The following KIF26A variants were observed in gnomAD, a reference collection of about 807,000 sequenced individuals.
KIF26A encodes the protein kinesin family member 26A, also known as kinesin-like protein KIF26A.
A neutral mutation model predicts 126.0 loss-of-function variants in KIF26A; 74 were observed. That is an observed-to-expected ratio of 0.59 (90% CI 0.49 to 0.71). The LOEUF is 0.71. Ranked by LOEUF, KIF26A falls within the 30% of genes least tolerant of loss-of-function variation. The pLI, the probability that KIF26A is intolerant of heterozygous loss-of-function variation, is 0.00. For missense variants in KIF26A, 2,984 were observed against 2,763.3 expected (o/e 1.08, Z -1.79); for synonymous variants, 1,445 against 1,232.7 (o/e 1.17, Z -3.61).
intron 4 of KIF26A, among the ~76,000 whole-genome samples, chr14:104,166,336 G>T (rs1489432028): frequency 6.6e-6 from 1 of 152,138 alleles, no homozygotes; most frequent in Non-Finnish European, 1.5e-5. Flanking sequence ...ACTGTGCTGG[G>T]TGCCTTGAGT....
rs200775336 is a variant in KIF26A, at chr14:104,177,142, C to T, written c.4354C>T (p.Arg1452Trp). ...EGLAHSSSKG[R>W]EAPGRPPRAV... is the part of the protein sequence containing the mutation. Reference sequence around the variant, plus strand: ...CCTGGCGCACAGCAGCAGCAAGGGCCGGGAAGCCCCTGGGCGGCCTCCCCG... The same window carrying T: ...CCTGGCGCACAGCAGCAGCAAGGGCTGGGAAGCCCCTGGGCGGCCTCCCCG... Residue 1452 changes from arginine to tryptophan, a missense_variant, in exon 12 of 15, where the codon CGG becomes TGG. Arg to Trp is a moderately radical substitution (Grantham distance 101). Coordinates refer to ENST00000423312, the MANE Select transcript of KIF26A (RefSeq NM_015656.2). The T allele has an allele frequency of 1.0e-5, 16 of 1,597,804 alleles. No individual in the cohort carries two copies. Among genetic ancestry groups the T allele is most frequent in the East Asian group, 4.5e-5 (2 of 44,850 alleles).
At position 104,175,517 on chromosome 14, in the gene KIF26A, G is replaced by T; in HGVS notation, c.2729G>T (p.Gly910Val). ...AGTTCTGGTCCAGACACCCACCAGG[G>T]TACCCCTGAGCCCTGCAAGGCCATT... is the stretch of plus-strand genomic sequence containing the variant. ...RGSSGPDTHQ[G>V]TPEPCKAIVW... Residue 910 changes from glycine to valine, a missense_variant, in exon 12 of 15, where the codon GGT becomes GTT. Transcript: ENST00000423312. 1.3e-6 allele frequency: 2 copies of T among 1,599,114 alleles called. No homozygotes were observed. The highest frequency in any genetic ancestry group is 1.7e-6 in the Non-Finnish European group (2 of 1,178,822).
chr14:104,174,711 G>C (rs1395420154), intron 11 of KIF26A, among the ~76,000 whole-genome samples: 1 of 152,206 alleles, frequency 6.6e-6, no homozygotes, highest in Non-Finnish European at 1.5e-5. Context: ...CTGGCCACTG[G>C]CCTGGGCACA....
chr14:104,167,617 T>A (rs528748337), intron 5 of KIF26A, among the ~76,000 whole-genome samples: 1 of 152,256 alleles, frequency 6.6e-6, no homozygotes, highest in South Asian at 2.1e-4. Context: ...TGTGGCTTGC[T>A]GGTTGTGCCA....
At position 104,174,323 on chromosome 14, in the gene KIF26A, T is replaced by G; in HGVS notation, c.2193+13T>G. On this transcript the variant is annotated intron_variant, in intron 11 of 14. Coordinates refer to ENST00000423312, the MANE Select transcript of KIF26A (RefSeq NM_015656.2). ...GAAGAAGGCCAAGGTGCTCCCCACC[T>G]CCTGCCCGCCCCATCTCGGGGCCGT... 2 of 1,489,548 alleles carry G rather than the reference T, an allele frequency of 1.3e-6. No homozygotes were observed. The highest frequency in any genetic ancestry group is 1.8e-6 in the Non-Finnish European group (2 of 1,110,844). 92.3% of individuals were successfully genotyped at this position (1,489,548 alleles called of 1,614,324 possible).
chr14:104,172,736 T>C (rs2037972264), intron 7 of KIF26A, 68 bp downstream of exon 7: 1 of 1,271,002 alleles, frequency 7.9e-7, no homozygotes, highest in Admixed American at 2.1e-5. Context: ...TCACGGTGGT[T>C]GCTGGCAGCT....
Position 104,177,344 on chromosome 14 carries a change from C to T in KIF26A, c.4556C>T (p.Thr1519Met), listed in dbSNP as rs552359730. 26 of 1,504,500 alleles carry T rather than the reference C, an allele frequency of 1.7e-5. No individual in the cohort carries two copies. Among genetic ancestry groups the T allele is most frequent in the South Asian group, 6.5e-5 (5 of 77,294 alleles). 93.2% of individuals were successfully genotyped at this position (1,504,500 alleles called of 1,614,324 possible). ...CTGGGGCCTTCGGTGAAGCTGTCTA[C>T]GGCCTCTGTGACGGGCAGGAGCCCT... Reference protein sequence around the residue: ...RALGPSVKLSTASVTGRSPGG... With the variant: ...RALGPSVKLSMASVTGRSPGG... Residue 1519 changes from threonine (T) to methionine (M), a missense_variant, in exon 12 of 15, where the codon ACG becomes ATG. Transcript: ENST00000423312.
chr14:104,141,320 C>G (rs891175404), intron 2 of KIF26A, among the ~76,000 whole-genome samples: 3 of 152,218 alleles, frequency 2.0e-5, no homozygotes, highest in African/African-American at 7.2e-5. Context: ...TCTAGGATTT[C>G]CCCAGGGGCC....
intron 4 of KIF26A, among the ~76,000 whole-genome samples, chr14:104,164,318 A>C (rs941488112): frequency 1.3e-5 from 2 of 151,930 alleles, no homozygotes; most frequent in Admixed American, 1.3e-4. Context: ...GCCGGTGGTC[A>C]GCGTTCACCA....
chr14:104,178,596 T>C lies in KIF26A; in HGVS notation c.5157T>C (p.Thr1719=). 2 of 1,537,882 alleles carry C rather than the reference T, an allele frequency of 1.3e-6. No individual in the cohort carries two copies. Among genetic ancestry groups the C allele is most frequent in the Non-Finnish European group, 1.8e-6 (2 of 1,141,816 alleles). ...RLIPAPLPDT[T]ALGRKPSLPG... ...TTCCCGCCCCACTGCCCGACACCACTGCCCTGGGCCGTAAGCCCAGCCTCC... is the reference window on the plus strand; with the variant it reads ...TTCCCGCCCCACTGCCCGACACCACCGCCCTGGGCCGTAAGCCCAGCCTCC... Residue 1719 remains threonine, a synonymous_variant, in exon 13 of 15, where the codon ACT becomes ACC. Coordinates refer to ENST00000423312, the MANE Select transcript of KIF26A (RefSeq NM_015656.2).
intron 2 of KIF26A, among the ~76,000 whole-genome samples, chr14:104,144,768 A>G (rs1336325510): frequency 6.6e-6 from 1 of 152,230 alleles, no homozygotes; most frequent in African/African-American, 2.4e-5. Flanking sequence ...TTTTTAGCTT[A>G]TATTTTGTAG....
chr14:104,154,100 C>T (rs941240851), intron 3 of KIF26A, among the ~76,000 whole-genome samples: 3 of 152,212 alleles, frequency 2.0e-5, no homozygotes, highest in Admixed American at 1.3e-4. Context: ...CGATCATTAG[C>T]GTGGCCCTGG....
chr14:104,166,786 G>T (rs369725656), intron 4 of KIF26A, 73 bp from the exon 5 acceptor site: 3 of 1,368,062 alleles, frequency 2.2e-6, no homozygotes, highest in East Asian at 5.4e-5. Context: ...GGATCGCCTG[G>T]TGACTCGCAG....
rs900958610 is a variant in KIF26A, at chr14:104,143,461, C to T, written c.288+4173C>T. On this transcript the variant is annotated intron_variant, in intron 2 of 14. Coordinates refer to ENST00000423312, the MANE Select transcript of KIF26A (RefSeq NM_015656.2). ...GCCTCTCTGGTTTGACTGGAGGTGA[C>T]TCCTGCCAGCTTTTCGTTCCTCCTG... Among the ~76,000 whole-genome samples the T allele has an allele frequency of 2.0e-5, 3 of 152,126 alleles. No homozygotes were observed. In the East Asian group the frequency reaches 5.8e-4, roughly 29 times the overall value.
Position 104,152,440 on chromosome 14 carries a change from C to T in KIF26A, c.714C>T (p.Ser238=). 6.3e-7 allele frequency: 1 copy of T among 1,584,848 alleles called. No individual in the cohort carries two copies. Among genetic ancestry groups the T allele is most frequent in the South Asian group, 1.2e-5 (1 of 86,644 alleles). ...TGTGGAGTGTCTCGCGGGTCAACAG[C>T]TTCCTCCCGCCGGCGTGCCTGGTGA... ...EGMWSVSRVN[S]FLPPACLAEA... is the part of the protein sequence containing the mutation. Residue 238 remains serine (S), a synonymous_variant, in exon 3 of 15, where the codon AGC becomes AGT. Coordinates refer to ENST00000423312, the MANE Select transcript of KIF26A (RefSeq NM_015656.2). The surrounding 1 kb of genome is among the most constrained non-coding windows in gnomAD (Gnocchi z 5.9).
At chr14:104,178,454 T>C in intron 12 of KIF26A, 96 bp from the exon 13 acceptor site, 1 of 934,526 alleles carries the variant, frequency 1.1e-6, no homozygotes, top group Non-Finnish European at 1.5e-6. Flanking sequence ...AAGGCCTCCC[T>C]GTCAGGACTC....
At chr14:104,169,906 C>T (rs78499021) in intron 5 of KIF26A, among the ~76,000 whole-genome samples, 2,400 of 152,302 alleles carry the variant, frequency 0.016, 63 homozygotes, top group African/African-American at 0.054. Context: ...CATTTCCCTG[C>T]AGTAATGACA....
intron 5 of KIF26A, among the ~76,000 whole-genome samples, chr14:104,169,015 C>T (rs890734495): frequency 6.6e-6 from 1 of 152,244 alleles, no homozygotes; most frequent in Admixed American, 6.5e-5. Context: ...CCACAGTCCC[C>T]TGGGATGCGA....
chr14:104,173,814 C>A lies in KIF26A; in HGVS notation c.1976C>A (p.Ala659Asp). 10 of 1,602,964 alleles carry A rather than the reference C, an allele frequency of 6.2e-6. No homozygotes were observed. The highest frequency in any genetic ancestry group is 8.5e-6 in the Non-Finnish European group (10 of 1,179,084). The change falls in exon 10 of 15, where the codon GCC becomes GAC. Residue 659 changes from alanine to aspartate, a missense_variant. Coordinates refer to ENST00000423312, the MANE Select transcript of KIF26A (RefSeq NM_015656.2). ...AGGPLCLSLS[A>D]LGSVILALVN... ...GGTCCCCTGTGTCTGTCCCTGTCGG[C>A]CCTGGGCAGCGTCATCTTGGCCCTG...
Sources: allele counts gnomAD v4.1 joint callset (sites outside exome capture counted in the v4.1 genomes callset), GRCh38; gene constraint gnomAD v4.1.1; non-coding constraint Gnocchi (gnomAD v3.1); transcripts MANE v1.5; gene names NCBI Gene and HGNC (gene_info 2026-07-23, HGNC 2026-07-21).